The following TVP23C variants were observed in gnomAD, a reference collection of about 807,000 sequenced individuals.
The protein encoded by TVP23C is trans-golgi network vesicle protein 23 homolog C, also known as Golgi apparatus membrane protein TVP23 homolog C.
TVP23C carries 19 observed loss-of-function variants against 28.7 expected under a neutral mutation model. The observed-to-expected ratio is 0.66, with a 90% confidence interval of 0.46 to 0.97. The LOEUF is 0.97. Among genes scored for constraint, TVP23C ranks in the 50% least tolerant of loss-of-function variants. TVP23C has a pLI of 0.00. For synonymous variants in TVP23C, 68 were observed against 81.7 expected, an observed-to-expected ratio of 0.83 and a Z score of 0.90; for missense variants, 186 against 241.3, an observed-to-expected ratio of 0.77 and a Z score of 1.52.
rs1433309618 is a variant in TVP23C, at chr17:15,538,517, G to C, written c.*1895C>G. The stretch of plus-strand genomic sequence containing the variant: ...AGGCAGAAGAATAGTATGAACCCGG[G>C]AGGTGGAGTTTGCAGTGAGCCGAGA... On this transcript the variant is annotated 3_prime_UTR_variant, in exon 6 of 6. Coordinates refer to ENST00000518321, the MANE Select transcript of TVP23C (RefSeq NM_001135036.2). 9 of 818,030 alleles carry C rather than the reference G, an allele frequency of 1.1e-5. No individual in the cohort carries two copies. The East Asian group carries it at 3.7e-4, about 34-fold the overall frequency. The allele number at this position is 818,030 out of a possible 1,614,324, so 50.7% of individuals were successfully genotyped here. A position where few individuals can be genotyped will look rare whatever the true frequency, so the allele number is the denominator to read the frequency against.
At chr17:15,545,763 A>G (rs1983616248) in intron 5 of TVP23C, 22 bp downstream of exon 5, 3 of 1,593,888 alleles carry the variant, frequency 1.9e-6, no homozygotes, top group Middle Eastern at 3.4e-4. Flanking sequence ...GGATTATTTG[A>G]AAGTTCTACA....
chr17:15,502,848 G>A, exon 6 of TVP23C: 1 of 1,556,950 alleles, frequency 6.4e-7, no homozygotes. Context: ...AGGAGCTTCA[G>A]ATTTGTGGGT....
chr17:15,556,194 G>T, intron 1 of TVP23C, among the ~76,000 whole-genome samples: 1 of 152,190 alleles, frequency 6.6e-6, no homozygotes, highest in Middle Eastern at 3.2e-3. Context: ...TGGGATTACA[G>T]GCCTGAGCCA....
intron 5 of TVP23C, among the ~76,000 whole-genome samples, chr17:15,540,870 T>C (rs905839212): frequency 6.6e-5 from 10 of 152,232 alleles, no homozygotes; most frequent in African/African-American, 1.2e-4. Context: ...CTGTTTCCCA[T>C]TGGTCTGTGA....
chr17:15,544,842 A>G lies in TVP23C; in HGVS notation c.462+943T>C, dbSNP rs540403757. Reference sequence around the variant, plus strand: ...TGTATGAGCACACACAAAGAAAAAAAGAATCTATATCACAAAATAGGACTA... The same window carrying G: ...TGTATGAGCACACACAAAGAAAAAAGGAATCTATATCACAAAATAGGACTA... On this transcript the variant is annotated intron_variant, in intron 5 of 5. Coordinates refer to ENST00000518321, the MANE Select transcript of TVP23C (RefSeq NM_001135036.2). Among the ~76,000 whole-genome samples the G allele has an allele frequency of 1.8e-4, 27 of 152,268 alleles. No individual in the cohort carries two copies. The South Asian group carries it at 3.9e-3, about 22-fold the overall frequency.
intron 5 of TVP23C, among the ~76,000 whole-genome samples, chr17:15,544,944 A>T (rs899991829): frequency 1.3e-5 from 2 of 152,194 alleles, no homozygotes; most frequent in Admixed American, 6.5e-5. Context: ...TTGTGTGAAA[A>T]TTCACACAAT....
chr17:15,504,969 G>A (rs151062929), intron 5 of TVP23C, among the ~76,000 whole-genome samples: 1 of 152,168 alleles, frequency 6.6e-6, no homozygotes. Flanking sequence ...GGAAGAAGGA[G>A]AGGGTCCAAT....
rs567638693 is a variant in TVP23C, at chr17:15,527,629, A to C, written c.462+18156T>G. Reference sequence around the variant, plus strand: ...CCTCACAAGCTCCTTCCACCTCAAGAGGGTAAGTATTTACTTGTGCTTATG... The same window carrying C: ...CCTCACAAGCTCCTTCCACCTCAAGCGGGTAAGTATTTACTTGTGCTTATG... On this transcript the variant is annotated intron_variant, in intron 5 of 5. Coordinates refer to the TVP23C transcript ENST00000225576. Among the ~76,000 whole-genome samples the C allele has an allele frequency of 3.9e-5, 6 of 152,312 alleles. No individual in the cohort carries two copies. The South Asian group carries it at 1.2e-3, about 32-fold the overall frequency.
intron 5 of TVP23C, among the ~76,000 whole-genome samples, chr17:15,505,477 C>T (rs1981681459): frequency 6.6e-6 from 1 of 152,148 alleles, no homozygotes; most frequent in African/African-American, 2.4e-5. Context: ...AAAGTCTTGG[C>T]TTTTGCAGAT....
At chr17:15,516,887 T>A (rs1417985926) in intron 5 of TVP23C, among the ~76,000 whole-genome samples, 1 of 152,168 alleles carries the variant, frequency 6.6e-6, no homozygotes, top group East Asian at 1.9e-4. Context: ...AGATCCTGCT[T>A]GTCTGCCCTA....
At chr17:15,516,498 C>G (rs951744861) in intron 5 of TVP23C, 2 of 151,234 alleles carry the variant, frequency 1.3e-5, no homozygotes, top group African/African-American at 2.4e-5. Context: ...GGCTTGTGGA[C>G]GGCATCTTCC....
chr17:15,522,848 G>A (rs1413882067), intron 5 of TVP23C, among the ~76,000 whole-genome samples: 3 of 151,982 alleles, frequency 2.0e-5, no homozygotes, highest in African/African-American at 7.2e-5. Context: ...TTCCAGACCA[G>A]CCTGACCAAC....
Position 15,526,343 on chromosome 17 carries a change from C to T in TVP23C, c.462+19442G>A, listed in dbSNP as rs537727776. ...CCTCACCATTGACAAGTCCTGGCTTCACCTCTCTCTAGTTATATGACCCCA... is the reference window on the plus strand; with the variant it reads ...CCTCACCATTGACAAGTCCTGGCTTTACCTCTCTCTAGTTATATGACCCCA... On this transcript the variant is annotated intron_variant, in intron 5 of 5. Coordinates refer to the TVP23C transcript ENST00000225576. 1.2e-4 allele frequency among the ~76,000 whole-genome samples: 18 copies of T among 152,246 alleles called. No homozygotes were observed. The South Asian group carries it at 1.9e-3, about 16-fold the overall frequency.
At chr17:15,520,856 T>C (rs1248808709) in intron 5 of TVP23C, among the ~76,000 whole-genome samples, 1 of 152,030 alleles carries the variant, frequency 6.6e-6, no homozygotes, top group African/African-American at 2.4e-5. Context: ...CATTTGCAGT[T>C]TGCATGTTTG....
intron 5 of TVP23C, among the ~76,000 whole-genome samples, chr17:15,517,423 G>C (rs1216680584): frequency 6.6e-6 from 1 of 152,186 alleles, no homozygotes. Flanking sequence ...TCTATGATCT[G>C]CATCTTGTCT....
At chr17:15,522,923 A>C (rs181596408) in intron 5 of TVP23C, among the ~76,000 whole-genome samples, 5 of 152,088 alleles carry the variant, frequency 3.3e-5, no homozygotes, top group East Asian at 1.9e-4. Context: ...ACACCTGTGC[A>C]CCACCAGAGC....
chr17:15,512,955 C>T (rs534455121), intron 5 of TVP23C, among the ~76,000 whole-genome samples: 1 of 152,326 alleles, frequency 6.6e-6, no homozygotes, highest in African/African-American at 2.4e-5. Flanking sequence ...AATCCCCTCT[C>T]CTCCCTGGGC....
chr17:15,524,522 G>C (rs1982635768), intron 5 of TVP23C, among the ~76,000 whole-genome samples: 2 of 152,194 alleles, frequency 1.3e-5, no homozygotes, highest in African/African-American at 4.8e-5. Flanking sequence ...ACATGTTCTA[G>C]ATGTGTTTAA....
At chr17:15,503,531 C>A in intron 5 of TVP23C, 1 of 226,970 alleles carries the variant, frequency 4.4e-6, no homozygotes, top group Non-Finnish European at 8.4e-6. Context: ...CGTTTTGTTG[C>A]CTTATTATGT....
Sources: allele counts gnomAD v4.1 joint callset (sites outside exome capture counted in the v4.1 genomes callset), GRCh38; gene constraint gnomAD v4.1.1; transcripts MANE v1.5; gene names NCBI Gene and HGNC (gene_info 2026-07-23, HGNC 2026-07-21).